The following KCNQ5 variants were observed in gnomAD, a reference collection of about 807,000 sequenced individuals.
The protein encoded by KCNQ5 is potassium voltage-gated channel subfamily Q member 5.
A neutral mutation model predicts 98.2 loss-of-function variants in KCNQ5; 30 were observed. The observed-to-expected ratio is 0.31, with a 90% CI of 0.23 to 0.41. The LOEUF is 0.41. Ranked by LOEUF, KCNQ5 falls within the 10% of genes least tolerant of loss-of-function variation. The pLI, the probability that KCNQ5 is intolerant of heterozygous loss-of-function variation, is 1.00. For missense variants in KCNQ5, 835 were observed against 1,182.5 expected (o/e 0.71, Z 4.31); for synonymous variants, 458 against 449.4 (o/e 1.02, Z -0.24).
intron 1 of KCNQ5, chr6:72,677,022 ACTTAT>A (rs1767448977): frequency 6.6e-6 from 1 of 152,014 alleles, no homozygotes; most frequent in African/African-American, 2.4e-5. Context: ...TTTTTTGAAG[ACTTAT>A]CTTCTTAGGC....
At chr6:72,930,370 T>C (rs1485836122) in intron 1 of KCNQ5, among the ~76,000 whole-genome samples, 1 of 152,140 alleles carries the variant, frequency 6.6e-6, no homozygotes, top group African/African-American at 2.4e-5. Context: ...ATGTAAAACA[T>C]ACCTCTTAAT....
At position 73,144,207 on chromosome 6, in the gene KCNQ5, G is replaced by A. The variant is rs183889354; in HGVS notation, c.1468+10566G>A. ...CAGGCTTTGCTTTTTGCTACCTGCA[G>A]TATAAAACTCCCTGACATTGTCCCA... is the stretch of plus-strand genomic sequence containing the variant. On this transcript the variant is annotated intron_variant, in intron 10 of 13. Coordinates refer to ENST00000370398, the MANE Select transcript of KCNQ5 (RefSeq NM_019842.4). Among the ~76,000 whole-genome samples the A allele has an allele frequency of 2.0e-5, 3 of 152,280 alleles. No homozygotes were observed. The East Asian group carries it at 5.8e-4, about 29-fold the overall frequency.
At chr6:73,116,040 G>A (rs2150433407) in intron 7 of KCNQ5, among the ~76,000 whole-genome samples, 1 of 152,266 alleles carries the variant, frequency 6.6e-6, no homozygotes, top group Admixed American at 6.5e-5. Flanking sequence ...CTGTTGGAAA[G>A]ATCTGGAATG....
chr6:72,716,148 C>A (rs1197626251), intron 1 of KCNQ5, among the ~76,000 whole-genome samples: 3 of 152,162 alleles, frequency 2.0e-5, no homozygotes, highest in African/African-American at 7.2e-5. Context: ...GGAATTCCAA[C>A]TGATTTTTCA....
chr6:72,641,742 A>G (rs1465225086), intron 1 of KCNQ5, among the ~76,000 whole-genome samples: 1 of 152,064 alleles, frequency 6.6e-6, no homozygotes, highest in East Asian at 1.9e-4. Flanking sequence ...TATGAAGGAG[A>G]AAAGAATTTT....
intron 10 of KCNQ5, chr6:73,158,053 C>T (rs1421792294): frequency 1.6e-6 from 1 of 625,002 alleles, no homozygotes; most frequent in Admixed American, 2.1e-5. Context: ...GTGTCCGGAC[C>T]TCCTCTTCCA....
At chr6:72,987,529 C>G in intron 1 of KCNQ5, 1 of 656,926 alleles carries the variant, frequency 1.5e-6, no homozygotes, top group Admixed American at 1.9e-5. Context: ...AGCCGCCACC[C>G]CCTCCAAGCC....
intron 5 of KCNQ5, among the ~76,000 whole-genome samples, chr6:73,082,346 T>C (rs1321414972): frequency 1.3e-5 from 2 of 152,224 alleles, no homozygotes; most frequent in Non-Finnish European, 2.9e-5. Flanking sequence ...TTGTCACTTG[T>C]AATTTGTTTT....
chr6:72,662,269 T>C (rs1367227829), intron 1 of KCNQ5, among the ~76,000 whole-genome samples: 2 of 152,284 alleles, frequency 1.3e-5, no homozygotes, highest in East Asian at 3.9e-4. Context: ...TTTTTAATGA[T>C]CAAAAGTACT....
intron 1 of KCNQ5, among the ~76,000 whole-genome samples, chr6:72,790,265 A>G (rs572267832): frequency 6.6e-6 from 1 of 152,328 alleles, no homozygotes; most frequent in East Asian, 1.9e-4. Context: ...AATATAAATG[A>G]TAAGGCCACT....
chr6:72,909,534 G>A (rs1232064056), intron 1 of KCNQ5, among the ~76,000 whole-genome samples: 2 of 152,140 alleles, frequency 1.3e-5, no homozygotes, highest in East Asian at 3.8e-4. Context: ...AGTGGTTTAG[G>A]TGGGGAGACA....
intron 1 of KCNQ5, among the ~76,000 whole-genome samples, chr6:72,661,588 G>A (rs1766528964): frequency 6.6e-6 from 1 of 152,008 alleles, no homozygotes; most frequent in African/African-American, 2.4e-5. Context: ...TAGTATTGAT[G>A]TAGGCTTGGA....
At chr6:72,654,587 A>C (rs1182142429) in intron 1 of KCNQ5, among the ~76,000 whole-genome samples, 1 of 152,066 alleles carries the variant, frequency 6.6e-6, no homozygotes, top group Non-Finnish European at 1.5e-5. Flanking sequence ...ATGACACAAG[A>C]CTAGAGGCTG....
At chr6:72,871,237 G>A (rs1778193477) in intron 1 of KCNQ5, among the ~76,000 whole-genome samples, 1 of 152,132 alleles carries the variant, frequency 6.6e-6, no homozygotes, top group African/African-American at 2.4e-5. Context: ...TAGTTTGGAA[G>A]AAGAGATCAT....
chr6:73,178,787 G>T (rs1778305728), intron 11 of KCNQ5, among the ~76,000 whole-genome samples: 1 of 152,170 alleles, frequency 6.6e-6, no homozygotes, highest in Non-Finnish European at 1.5e-5. Flanking sequence ...AACTTGCTTT[G>T]CAGATTATAA....
intron 1 of KCNQ5, among the ~76,000 whole-genome samples, chr6:72,669,734 C>A (rs1011773991): frequency 2.0e-5 from 3 of 152,172 alleles, no homozygotes; most frequent in African/African-American, 4.8e-5. Context: ...ATCCCATTTT[C>A]TGTCTCCCCT....
At chr6:73,011,593 G>A (rs1770063829) in intron 2 of KCNQ5, among the ~76,000 whole-genome samples, 1 of 151,966 alleles carries the variant, frequency 6.6e-6, no homozygotes, top group Non-Finnish European at 1.5e-5. Flanking sequence ...CAAAGGTGTA[G>A]GCAACAAAAG....
intron 1 of KCNQ5, among the ~76,000 whole-genome samples, chr6:72,697,299 C>A (rs28539378): frequency 0.014 from 2,169 of 152,070 alleles, 56 homozygotes; most frequent in African/African-American, 0.049. Flanking sequence ...TTCTGGGTAC[C>A]AATTGAACTG....
intron 1 of KCNQ5, among the ~76,000 whole-genome samples, chr6:72,912,725 A>T (rs1278800091): frequency 6.6e-6 from 1 of 152,204 alleles, no homozygotes; most frequent in Non-Finnish European, 1.5e-5. Flanking sequence ...AATCTTCATG[A>T]CCGTTGTATC....
Sources: gnomAD v4.1 joint callset for allele counts (sites outside exome capture counted in the v4.1 genomes callset) on GRCh38, gnomAD v4.1.1 for gene constraint, MANE v1.5 for transcripts, NCBI Gene and HGNC (gene_info 2026-07-23, HGNC 2026-07-21) for gene names.